NCAN: variants seen among roughly 807,000 people sequenced by gnomAD.
The protein encoded by NCAN is neurocan, also known as neurocan core protein.
Under a neutral mutation model 121.8 loss-of-function variants are expected in NCAN, and 47 were observed. The ratio of observed to expected loss-of-function variants is 0.39; its 90% CI spans 0.31 to 0.49. The LOEUF (loss-of-function observed/expected upper bound fraction) is 0.49, where lower values mean the gene tolerates loss of function less well. Ranked by LOEUF, NCAN falls within the 20% of genes least tolerant of loss-of-function variation. The probability of loss-of-function intolerance (pLI) is 0.92; values close to 1 mark genes in which losing one functional copy is unlikely to be tolerated. For missense variants in NCAN, 1,517 were observed against 1,773.4 expected, an observed-to-expected ratio of 0.86 and a Z score of 2.60; for synonymous variants, 633 against 702.0, an observed-to-expected ratio of 0.90 and a Z score of 1.55.
At chr19:19,228,701 C>T (rs2146544666) in intron 8 of NCAN, 62 bp downstream of exon 8, 1 of 1,510,262 alleles carries the variant, frequency 6.6e-7, no homozygotes, top group East Asian at 2.3e-5. Flanking sequence ...GGAGCAGGGG[C>T]TGGGGGATCC....
rs982235526 is a variant in NCAN, at chr19:19,227,874, G to A, written c.2254G>A (p.Gly752Ser). 1.2e-6 allele frequency: 2 copies of A among 1,613,576 alleles called. No homozygotes were observed. Among genetic ancestry groups the A allele is most frequent in the African/African-American group, 1.3e-5 (1 of 74,906 alleles). Residue 752 changes from glycine (G) to serine (S), a missense_variant, in exon 8 of 15, where the codon GGT becomes AGT. Gly to Ser is a moderately conservative substitution (Grantham distance 56). Transcript: ENST00000252575. The surrounding 1 kb of genome is among the most constrained non-coding windows in gnomAD (Gnocchi z 4.2). ...TGCCACTGAGCCAACGGGCCTCAGGGGTATCCCGGGGTCTGAGTCTGGGGT... is the reference window on the plus strand; with the variant it reads ...TGCCACTGAGCCAACGGGCCTCAGGAGTATCCCGGGGTCTGAGTCTGGGGT... ...ETATEPTGLR[G>S]IPGSESGVFD...
chr19:19,245,523 G>T (rs931537765), intron 13 of NCAN, 66 bp downstream of exon 13: 1 of 1,562,676 alleles, frequency 6.4e-7, no homozygotes, highest in African/African-American at 1.4e-5. Context: ...TGTTGCCCAG[G>T]CTGGAGTGCA....
At chr19:19,236,516 A>G (rs763496986) in intron 10 of NCAN, among the ~76,000 whole-genome samples, 1 of 152,002 alleles carries the variant, frequency 6.6e-6, no homozygotes, top group Non-Finnish European at 1.5e-5. Flanking sequence ...ACTATTTGCC[A>G]TTCTTTTTTT....
Position 19,245,179 on chromosome 19 carries a change from C to A in NCAN, c.3493-134C>A, listed in dbSNP as rs915579756. On this transcript the variant is annotated intron_variant, in intron 12 of 14. Coordinates refer to ENST00000252575, the MANE Select transcript of NCAN (RefSeq NM_004386.3). ...CCCGTCAGGATGGGCAGGACAGTGGCCATTGTAGAGATGGGAACACTGAAT... is the reference window on the plus strand; with the variant it reads ...CCCGTCAGGATGGGCAGGACAGTGGACATTGTAGAGATGGGAACACTGAAT... 6 of 1,091,036 alleles carry A rather than the reference C, an allele frequency of 5.5e-6. No individual in the cohort carries two copies. The African/African-American group carries it at 6.4e-5, about 12-fold the overall frequency. 67.6% of individuals were successfully genotyped at this position (1,091,036 alleles called of 1,614,324 possible).
In NCAN at chr19:19,227,944, T is replaced by C. The variant is rs780441892; in HGVS notation, c.2324T>C (p.Val775Ala). 1.2e-6 allele frequency: 2 copies of C among 1,613,326 alleles called. No individual in the cohort carries two copies. Among genetic ancestry groups the C allele is most frequent in the African/African-American group, 2.7e-5 (2 of 74,884 alleles). ...ESPTSGLQAT[V>A]DEVQDPWPSV... ...CCCACTTCTGGCTTGCAGGCCACTG[T>C]AGATGAGGTGCAGGACCCCTGGCCC... The change falls in exon 8 of 15, where the codon GTA (valine) becomes GCA (alanine). Residue 775 changes from valine (V) to alanine (A), a missense_variant. Coordinates refer to ENST00000252575, the MANE Select transcript of NCAN (RefSeq NM_004386.3). The surrounding 1 kb of genome is among the most constrained non-coding windows in gnomAD (Gnocchi z 4.2).
chr19:19,244,553 A>T (rs1214530489), intron 12 of NCAN, among the ~76,000 whole-genome samples: 3 of 149,082 alleles, frequency 2.0e-5, no homozygotes, highest in African/African-American at 5.0e-5. Context: ...AAGTGATCTG[A>T]CCCCCTTGGC....
rs2060798294 is a variant in NCAN, at chr19:19,216,981, G to A, written c.28G>A (p.Gly10Ser). MGAPFVWAL[G>S]LLMLQMLLFV... ...GGGGGCCCCGTTTGTCTGGGCCTTG[G>A]GCCTTTTGATGCTGCAGATGCTGCT... Residue 10 changes from glycine to serine, a missense_variant, in exon 2 of 15, where the codon GGC (glycine) becomes AGC (serine). Gly to Ser is a moderately conservative substitution (Grantham distance 56). Coordinates refer to ENST00000252575, the MANE Select transcript of NCAN (RefSeq NM_004386.3). The A allele has an allele frequency of 7.6e-7, 1 of 1,312,112 alleles. No homozygotes were observed. The highest frequency in any genetic ancestry group is 3.1e-5 in the Admixed American group (1 of 32,702). The allele number at this position is 1,312,112 out of a possible 1,614,324, so 81.3% of individuals were successfully genotyped here.
intron 13 of NCAN, among the ~76,000 whole-genome samples, chr19:19,245,899 A>T (rs533599037): frequency 6.6e-6 from 1 of 152,070 alleles, no homozygotes; most frequent in Admixed American, 6.5e-5. Context: ...CTTAATGGGT[A>T]TAGAATTTTG....
chr19:19,227,717 G>A lies in NCAN; in HGVS notation c.2097G>A (p.Glu699=). Residue 699 remains glutamate (E), a synonymous_variant, in exon 8 of 15, where the codon GAG becomes GAA. Coordinates refer to ENST00000252575, the MANE Select transcript of NCAN (RefSeq NM_004386.3). The surrounding 1 kb of genome is among the most constrained non-coding windows in gnomAD (Gnocchi z 4.2). ...GAGAGGCCATGCCCACAACACCTGA[G>A]TCCCCCAGGGCAGACTTCAGAGAAA... is the stretch of plus-strand genomic sequence containing the variant. ...QGGEAMPTTP[E]SPRADFRETG... 1.2e-6 allele frequency: 2 copies of A among 1,613,956 alleles called. No individual in the cohort carries two copies. Among genetic ancestry groups the A allele is most frequent in the Non-Finnish European group, 1.7e-6 (2 of 1,180,016 alleles).
chr19:19,222,951 A>T (rs1232690794), intron 3 of NCAN, among the ~76,000 whole-genome samples: 1 of 152,030 alleles, frequency 6.6e-6, no homozygotes, highest in Non-Finnish European at 1.5e-5. Context: ...TACTAAAAAT[A>T]GAAAAAAATT....
rs925751585 is a variant in NCAN at position 19,224,531 on chromosome 19, C to T, written c.778+98C>T. The T allele has an allele frequency of 1.6e-5, 24 of 1,469,456 alleles. No individual in the cohort carries two copies. The East Asian group carries it at 4.6e-4, about 28-fold the overall frequency. 91.0% of individuals were successfully genotyped at this position (1,469,456 alleles called of 1,614,324 possible). The stretch of plus-strand genomic sequence containing the variant: ...CCTCCGGGGTCCTTATGCAACTCCC[C>T]TGTCTTATACCTCCCTAAACCTGCA... On this transcript the variant is annotated intron_variant, in intron 5 of 14. Coordinates refer to ENST00000252575, the MANE Select transcript of NCAN (RefSeq NM_004386.3).
chr19:19,241,837 C>T (rs1321662429), intron 12 of NCAN, among the ~76,000 whole-genome samples: 1 of 151,916 alleles, frequency 6.6e-6, no homozygotes, highest in African/African-American at 2.4e-5. Context: ...GACTTTGCCA[C>T]TAGATGATAT....
intron 1 of NCAN, among the ~76,000 whole-genome samples, chr19:19,215,205 A>G (rs569744657): frequency 1.3e-5 from 2 of 152,294 alleles, no homozygotes; most frequent in African/African-American, 4.8e-5. Flanking sequence ...GGGGAAAGGG[A>G]CAGCTGTCAC....
At position 19,228,252 on chromosome 19, in the gene NCAN, C is replaced by A; in HGVS notation, c.2632C>A (p.Gln878Lys). ...SIVTPLTTLE[Q>K]GDKVGVPAMS... is the part of the protein sequence containing the mutation. ...TGTGACGCCCCTCACGACCCTGGAG[C>A]AGGGGGACAAGGTTGGAGTTCCAGC... Residue 878 changes from glutamine to lysine, a missense_variant, in exon 8 of 15, where the codon CAG becomes AAG. Coordinates refer to ENST00000252575, the MANE Select transcript of NCAN (RefSeq NM_004386.3). The A allele has an allele frequency of 6.2e-7, 1 of 1,613,956 alleles. No individual in the cohort carries two copies. The highest frequency in any genetic ancestry group is 1.1e-5 in the South Asian group (1 of 91,086).
intron 10 of NCAN, among the ~76,000 whole-genome samples, chr19:19,235,753 A>G (rs1251081547): frequency 1.3e-5 from 2 of 150,974 alleles, no homozygotes; most frequent in Non-Finnish European, 3.0e-5. Flanking sequence ...AATTTATTTT[A>G]TTTTTTGAGA....
rs2060890877 is a variant in NCAN at position 19,238,661 on chromosome 19, A to G, written c.3409+250A>G. Reference sequence around the variant, plus strand: ...GAGCACCTGCTATATGCCAGGCACCATTCCAGGAATATTGACACAGCACAG... The same window carrying G: ...GAGCACCTGCTATATGCCAGGCACCGTTCCAGGAATATTGACACAGCACAG... On this transcript the variant is annotated intron_variant, in intron 11 of 14. Coordinates refer to ENST00000252575, the MANE Select transcript of NCAN (RefSeq NM_004386.3). 4 of 533,214 alleles carry G rather than the reference A, an allele frequency of 7.5e-6. No individual in the cohort carries two copies. The Admixed American group carries it at 1.2e-4, about 16-fold the overall frequency. 33.0% of individuals were successfully genotyped at this position (533,214 alleles called of 1,614,324 possible). A position where few individuals can be genotyped will look rare whatever the true frequency, so the allele number is the denominator to read the frequency against.
In NCAN at chr19:19,224,288, C is replaced by T. The variant is rs778078395; in HGVS notation, c.651-18C>T. Reference sequence around the variant, plus strand: ...CAGGAGCACACATCTGAGAGGGACCCTCCCCTTGTGTTGTCAGGTATCCTA... The same window carrying T: ...CAGGAGCACACATCTGAGAGGGACCTTCCCCTTGTGTTGTCAGGTATCCTA... On this transcript the variant is annotated intron_variant, in intron 4 of 14. Coordinates refer to ENST00000252575, the MANE Select transcript of NCAN (RefSeq NM_004386.3). 1.9e-6 allele frequency: 3 copies of T among 1,609,590 alleles called. No individual in the cohort carries two copies. The highest frequency in any genetic ancestry group is 2.5e-6 in the Non-Finnish European group (3 of 1,176,592).
intron 1 of NCAN, among the ~76,000 whole-genome samples, chr19:19,214,855 T>C (rs111367976): frequency 5.9e-5 from 9 of 152,112 alleles, no homozygotes; most frequent in African/African-American, 2.2e-4. Flanking sequence ...CTCTCTCTAA[T>C]ACCTGGCCAG....
chr19:19,245,586 T>G, intron 13 of NCAN, 129 bp downstream of exon 13: 1 of 1,069,364 alleles, frequency 9.4e-7, no homozygotes, highest in Non-Finnish European at 1.3e-6. Context: ...CAAGCCATCC[T>G]CCTGCCTCAG....
Sources: allele counts gnomAD v4.1 joint callset (sites outside exome capture counted in the v4.1 genomes callset), GRCh38; gene constraint gnomAD v4.1.1; non-coding constraint Gnocchi (gnomAD v3.1); transcripts MANE v1.5; gene names NCBI Gene and HGNC (gene_info 2026-07-23, HGNC 2026-07-21).